DENND1A: variants seen among roughly 807,000 people sequenced by gnomAD.
The protein encoded by DENND1A is DENN domain containing 1A, also known as DENN domain-containing protein 1A.
A neutral mutation model predicts 113.7 loss-of-function variants in DENND1A; 51 were observed. That is an observed-to-expected ratio of 0.45 (90% confidence interval 0.36 to 0.57). The LOEUF is 0.57. Ranked by LOEUF, DENND1A falls within the 20% of genes least tolerant of loss-of-function variation. The pLI is 0.00. For missense variants in DENND1A, 1,258 were observed against 1,395.9 expected, an observed-to-expected ratio of 0.90 and a Z score of 1.57; for synonymous variants, 565 against 570.8, an observed-to-expected ratio of 0.99 and a Z score of 0.14.
chr9:123,406,611 C>G (rs1242033040), intron 20 of DENND1A, among the ~76,000 whole-genome samples: 2 of 152,226 alleles, frequency 1.3e-5, no homozygotes, highest in African/African-American at 2.4e-5. Flanking sequence ...CGAGTATCAT[C>G]GTGATTAGAG....
At chr9:123,585,643 G>A (rs74866502) in intron 11 of DENND1A, among the ~76,000 whole-genome samples, 2,823 of 152,206 alleles carry the variant, frequency 0.019, 71 homozygotes, top group African/African-American at 0.058. Context: ...CAGCATCAAT[G>A]GCCCTCTTTT....
chr9:123,883,474 G>T (rs925839737), intron 1 of DENND1A, among the ~76,000 whole-genome samples: 2 of 152,192 alleles, frequency 1.3e-5, no homozygotes, highest in African/African-American at 4.8e-5. Flanking sequence ...TTAACTAAAA[G>T]ATTTCAGTTC....
In DENND1A at chr9:123,470,099, C is replaced by G. The variant is rs115078149; in HGVS notation, c.994-12202G>C. 5.1e-3 allele frequency among the ~76,000 whole-genome samples: 781 copies of G among 152,292 alleles called. 4 individuals carry two copies. The highest frequency in any genetic ancestry group is 0.018 in the African/African-American group (760 of 41,548). ...AAGTGGGTTTTGGCTGCACTCTATG[C>G]CTGCTGTAGCCATCTCGGCTCTTGG... On this transcript the variant is annotated intron_variant, in intron 13 of 23. Coordinates refer to ENST00000394215, the MANE Select transcript of DENND1A (RefSeq NM_001352964.2).
chr9:123,560,679 G>C (rs1213418809), intron 12 of DENND1A, among the ~76,000 whole-genome samples: 1 of 137,312 alleles, frequency 7.3e-6, no homozygotes, highest in East Asian at 2.0e-4. Flanking sequence ...GACAGAGTGA[G>C]ACCCTGTCTC....
At chr9:123,544,670 TG>T (rs982131281) in intron 13 of DENND1A, among the ~76,000 whole-genome samples, 3 of 152,230 alleles carry the variant, frequency 2.0e-5, no homozygotes, top group Non-Finnish European at 4.4e-5. Flanking sequence ...ACAGGGGGGC[TG>T]TAAAAAGGGG....
intron 2 of DENND1A, among the ~76,000 whole-genome samples, chr9:123,823,776 AGAT>A (rs963716591): frequency 2.0e-5 from 3 of 152,286 alleles, no homozygotes; most frequent in Admixed American, 6.5e-5. Flanking sequence ...GCTTGAGATA[AGAT>A]GATAGAACTG....
intron 20 of DENND1A, chr9:123,411,361 C>T (rs1176707367): frequency 2.0e-5 from 3 of 152,238 alleles, no homozygotes; most frequent in African/African-American, 7.2e-5. Flanking sequence ...ACATAGCCTC[C>T]ACCCCTGGGA....
intron 9 of DENND1A, among the ~76,000 whole-genome samples, chr9:123,646,623 T>A (rs1383741912): frequency 6.6e-6 from 1 of 152,096 alleles, no homozygotes; most frequent in Non-Finnish European, 1.5e-5. Flanking sequence ...CCACTCCCCA[T>A]CCGCTCTCTT....
chr9:123,870,999 A>G (rs1413839103), intron 2 of DENND1A, among the ~76,000 whole-genome samples: 1 of 152,214 alleles, frequency 6.6e-6, no homozygotes, highest in Non-Finnish European at 1.5e-5. Context: ...ATATCTCTCT[A>G]GAACATTTTA....
chr9:123,798,725 C>CAA (rs59256751), intron 2 of DENND1A, among the ~76,000 whole-genome samples: 88 of 69,952 alleles, frequency 1.3e-3, no homozygotes, highest in Non-Finnish European at 1.1e-3. Context: ...GTGCTGGAGG[C>CAA]AAAAAAAAAA....
intron 7 of DENND1A, among the ~76,000 whole-genome samples, chr9:123,667,707 G>T (rs557298837): frequency 1.3e-5 from 2 of 152,332 alleles, no homozygotes; most frequent in African/African-American, 4.8e-5. Context: ...AGTGAGGCAA[G>T]TGTATTCTAG....
chr9:123,778,367 T>A (rs1427890821), intron 3 of DENND1A, among the ~76,000 whole-genome samples: 1 of 152,210 alleles, frequency 6.6e-6, no homozygotes, highest in East Asian at 1.9e-4. Context: ...ACCATCTGAC[T>A]GTACTGTCAA....
At position 123,381,573 on chromosome 9, in the gene DENND1A, C is replaced by T; in HGVS notation, c.3072G>A (p.Gln1024=). 1 of 1,613,650 alleles carries T rather than the reference C, an allele frequency of 6.2e-7. No individual in the cohort carries two copies. Residue 1024 remains glutamine (Q), a synonymous_variant, in exon 24 of 24, where the codon CAG becomes CAA. Coordinates refer to ENST00000394215, the MANE Select transcript of DENND1A (RefSeq NM_001352964.2). This position sits in a 1 kb window ranked among gnomAD's most constrained non-coding sequence, Gnocchi z 4.7. ...RPPQGLEPTL[Q]PSAPQQARDP... ...CTCTGGCCTGTTGAGGAGCAGAGGG[C>T]TGCAGTGTTGGCTCCAGGCCTTGAG...
At chr9:123,533,322 T>C (rs895286881) in intron 13 of DENND1A, among the ~76,000 whole-genome samples, 3 of 152,222 alleles carry the variant, frequency 2.0e-5, no homozygotes, top group Non-Finnish European at 4.4e-5. Flanking sequence ...TGGATTTTTA[T>C]CTTGATTAAA....
intron 5 of DENND1A, among the ~76,000 whole-genome samples, chr9:123,711,481 T>TTAAA (rs1288507674): frequency 2.2e-5 from 2 of 89,094 alleles, no homozygotes; most frequent in Admixed American, 1.2e-4. Context: ...AATAATAAAT[T>TTAAA]AAAAAATATA....
intron 10 of DENND1A, among the ~76,000 whole-genome samples, chr9:123,627,901 A>G (rs1188134415): frequency 6.6e-6 from 1 of 152,294 alleles, no homozygotes; most frequent in East Asian, 1.9e-4. Context: ...GGTGGCTGAT[A>G]GTGCTTTTCG....
chr9:123,770,250 C>T (rs550270935), intron 3 of DENND1A, among the ~76,000 whole-genome samples: 1 of 152,014 alleles, frequency 6.6e-6, no homozygotes, highest in Non-Finnish European at 1.5e-5. Context: ...AAATCTAAAG[C>T]AAACTACCAG....
At chr9:123,671,878 G>A (rs1349827942) in intron 6 of DENND1A, among the ~76,000 whole-genome samples, 1 of 152,194 alleles carries the variant, frequency 6.6e-6, no homozygotes, top group Non-Finnish European at 1.5e-5. Context: ...TGGTGGCTAT[G>A]CATTCTAATT....
At chr9:123,390,978 C>T (rs1396951100) in intron 21 of DENND1A, among the ~76,000 whole-genome samples, 1 of 152,274 alleles carries the variant, frequency 6.6e-6, no homozygotes, top group African/African-American at 2.4e-5. Context: ...TCCGGCTTCA[C>T]CCAGGAGCGA....
Sources: allele counts gnomAD v4.1 joint callset (sites outside exome capture counted in the v4.1 genomes callset), GRCh38; gene constraint gnomAD v4.1.1; non-coding constraint Gnocchi (gnomAD v3.1); transcripts MANE v1.5; gene names NCBI Gene and HGNC (gene_info 2026-07-23, HGNC 2026-07-21).